Variants in ETV6 observed in about 807,000 individuals in gnomAD.
The protein encoded by ETV6 is ETS variant transcription factor 6.
A neutral mutation model predicts 51.1 loss-of-function variants in ETV6; 16 were observed. The ratio of observed to expected loss-of-function variants is 0.31; its 90% CI spans 0.21 to 0.48. The LOEUF (loss-of-function observed/expected upper bound fraction) is 0.48, where lower values mean the gene tolerates loss of function less well. ETV6 is among the 20% of genes least tolerant of loss of function. The pLI, the probability that ETV6 is intolerant of heterozygous loss-of-function variation, is 0.99. For synonymous variants in ETV6, 240 were observed against 224.1 expected (o/e 1.07, Z -0.64); for missense variants, 458 against 594.8 (o/e 0.77, Z 2.39).
At chr12:11,694,054 A>T (rs1003193458) in intron 1 of ETV6, among the ~76,000 whole-genome samples, 2 of 152,232 alleles carry the variant, frequency 1.3e-5, no homozygotes, top group African/African-American at 4.8e-5. Flanking sequence ...ATTGAAAGGG[A>T]TGGTGGTAGA....
chr12:11,726,190 A>T (rs141935005), intron 1 of ETV6, among the ~76,000 whole-genome samples: 242 of 152,366 alleles, frequency 1.6e-3, no homozygotes, highest in African/African-American at 5.7e-3. Context: ...AACTTGGCTC[A>T]TGAGAATTCT....
At chr12:11,861,198 C>T (rs1021204382) in intron 4 of ETV6, among the ~76,000 whole-genome samples, 4 of 152,136 alleles carry the variant, frequency 2.6e-5, no homozygotes, top group Middle Eastern at 3.2e-3. Flanking sequence ...CAGCAGGTAA[C>T]GACAGGTCCC....
At chr12:11,725,055 A>G (rs111501559) in intron 1 of ETV6, among the ~76,000 whole-genome samples, 27 of 152,022 alleles carry the variant, frequency 1.8e-4, no homozygotes, top group African/African-American at 6.5e-4. Flanking sequence ...TTCCCTGCCC[A>G]CTTCCCCATC....
chr12:11,839,315 G>A lies in ETV6; in HGVS notation c.328+11G>A. ...GATCTCCTCATTCAGGTGAGAGTCT[G>A]GACTCTTGGCATATGCCCAACTTGG... On this transcript the variant is annotated intron_variant, in intron 3 of 7. Coordinates refer to ENST00000396373, the MANE Select transcript of ETV6 (RefSeq NM_001987.5). 1.9e-6 allele frequency: 3 copies of A among 1,607,394 alleles called. No individual in the cohort carries two copies.
At chr12:11,872,821 TC>T (rs1471247036) in intron 5 of ETV6, among the ~76,000 whole-genome samples, 2 of 152,042 alleles carry the variant, frequency 1.3e-5, no homozygotes, top group Non-Finnish European at 2.9e-5. Context: ...TTCATCTCAT[TC>T]CCCAATATCA....
rs534192201 is a variant in ETV6, at chr12:11,811,451, G to A, written c.164-27689G>A. ...GAAACACTTCCCAGCCCTTCCTTGGGTGCCTGGATTTCTACCATTAGCAGT... is the reference window on the plus strand; with the variant it reads ...GAAACACTTCCCAGCCCTTCCTTGGATGCCTGGATTTCTACCATTAGCAGT... On this transcript the variant is annotated intron_variant, in intron 2 of 7. Coordinates refer to ENST00000396373, the MANE Select transcript of ETV6 (RefSeq NM_001987.5). Among the ~76,000 whole-genome samples the A allele has an allele frequency of 8.0e-4, 121 of 152,148 alleles. 1 individual carries two copies. The highest frequency in any genetic ancestry group is 1.5e-3 in the Admixed American group (23 of 15,272).
At chr12:11,857,279 G>T (rs917273921) in intron 4 of ETV6, among the ~76,000 whole-genome samples, 2 of 152,168 alleles carry the variant, frequency 1.3e-5, no homozygotes, top group African/African-American at 2.4e-5. Flanking sequence ...GCCTTCGTTA[G>T]TAGCCACGTG....
chr12:11,739,293 T>A (rs1404821704), intron 1 of ETV6, among the ~76,000 whole-genome samples: 2 of 152,146 alleles, frequency 1.3e-5, no homozygotes, highest in Non-Finnish European at 2.9e-5. Context: ...ACTTCTGTCA[T>A]CATCTCTCCA....
At chr12:11,688,540 A>T (rs1864681496) in intron 1 of ETV6, among the ~76,000 whole-genome samples, 1 of 152,226 alleles carries the variant, frequency 6.6e-6, no homozygotes, top group East Asian at 1.9e-4. Flanking sequence ...ACTGGTGATA[A>T]GCTGGGCTTC....
intron 2 of ETV6, among the ~76,000 whole-genome samples, chr12:11,776,292 T>C (rs928864489): frequency 4.4e-5 from 4 of 91,262 alleles, no homozygotes; most frequent in African/African-American, 6.4e-5. Context: ...GACTTACACC[T>C]TGGCTCAATC....
At chr12:11,711,968 A>G (rs1865181969) in intron 1 of ETV6, among the ~76,000 whole-genome samples, 1 of 152,100 alleles carries the variant, frequency 6.6e-6, no homozygotes, top group Non-Finnish European at 1.5e-5. Flanking sequence ...AGCAAACTCC[A>G]GCCTTTTTTC....
rs115257579 is a variant in ETV6, at chr12:11,679,941, T to C, written c.33+29781T>C. Among the ~76,000 whole-genome samples, 537 of 152,352 alleles carry C rather than the reference T, an allele frequency of 3.5e-3. 2 individuals are homozygous for C. Among genetic ancestry groups the C allele is most frequent in the African/African-American group, 0.012 (512 of 41,578 alleles). ...TCTTCTCATTGATTTCATTTTAGTT[T>C]GGCATCATGGTCTAGTGAGACTAAC... On this transcript the variant is annotated intron_variant, in intron 1 of 7. Coordinates refer to ENST00000396373, the MANE Select transcript of ETV6 (RefSeq NM_001987.5).
At position 11,892,272 on chromosome 12, in the gene ETV6, G is replaced by A. The variant is rs1355166581; in HGVS notation, c.*1226G>A. On this transcript the variant is annotated 3_prime_UTR_variant, in exon 8 of 8. Coordinates refer to ENST00000396373, the MANE Select transcript of ETV6 (RefSeq NM_001987.5). Reference sequence around the variant, plus strand: ...TTTTTAAAGTTTCCTGGTCTCCACTGGACACAGAGCTTTGGAGACGGAGGA... The same window carrying A: ...TTTTTAAAGTTTCCTGGTCTCCACTAGACACAGAGCTTTGGAGACGGAGGA... 4.7e-6 allele frequency: 1 copy of A among 210,986 alleles called. No individual in the cohort carries two copies. The highest frequency in any genetic ancestry group is 8.7e-6 in the Non-Finnish European group (1 of 114,318). 13.1% of individuals were successfully genotyped at this position (210,986 alleles called of 1,614,324 possible). A position where few individuals can be genotyped will look rare whatever the true frequency, so the allele number is the denominator to read the frequency against.
At chr12:11,701,077 T>C (rs554962654) in intron 1 of ETV6, among the ~76,000 whole-genome samples, 8 of 152,268 alleles carry the variant, frequency 5.3e-5, no homozygotes, top group Admixed American at 5.2e-4. Context: ...ATGTTTTTTT[T>C]TTTTACTTTT....
chr12:11,660,956 A>G (rs2120642835), intron 1 of ETV6, among the ~76,000 whole-genome samples: 1 of 152,348 alleles, frequency 6.6e-6, no homozygotes, highest in South Asian at 2.1e-4. Flanking sequence ...GAAAAATGGC[A>G]CATCTGAAGG....
chr12:11,747,358 G>T (rs972541182), intron 1 of ETV6, among the ~76,000 whole-genome samples: 15 of 152,142 alleles, frequency 9.9e-5, no homozygotes, highest in Non-Finnish European at 1.2e-4. Context: ...GCCAGCTTGG[G>T]CCCCTATACC....
chr12:11,772,337 C>G (rs556369738), intron 2 of ETV6, among the ~76,000 whole-genome samples: 1 of 152,302 alleles, frequency 6.6e-6, no homozygotes, highest in East Asian at 1.9e-4. Context: ...TGATATAGTT[C>G]GGTAATTTCA....
intron 1 of ETV6, among the ~76,000 whole-genome samples, chr12:11,653,311 G>T (rs984397072): frequency 1.3e-5 from 2 of 152,226 alleles, no homozygotes; most frequent in African/African-American, 4.8e-5. Flanking sequence ...GAAGGTGGTT[G>T]TGGCCTAGCA....
At chr12:11,745,242 A>G (rs1216719239) in intron 1 of ETV6, among the ~76,000 whole-genome samples, 1 of 152,250 alleles carries the variant, frequency 6.6e-6, no homozygotes, top group Admixed American at 6.5e-5. Flanking sequence ...TCTTGCAGTT[A>G]TACGGAACCT....
Sources: gnomAD v4.1 joint callset for allele counts (sites outside exome capture counted in the v4.1 genomes callset) on GRCh38, gnomAD v4.1.1 for gene constraint, MANE v1.5 for transcripts, NCBI Gene and HGNC (gene_info 2026-07-23, HGNC 2026-07-21) for gene names.